Variants in LARGE1 observed in about 807,000 individuals in gnomAD.
LARGE1 encodes LARGE xylosyl- and glucuronyltransferase 1, also known as xylosyl- and glucuronyltransferase LARGE1.
LARGE1 carries 43 observed loss-of-function variants against 87.6 expected under a neutral mutation model. That is an observed-to-expected ratio of 0.49 (90% CI 0.38 to 0.63). LARGE1 has a LOEUF of 0.63. LARGE1 is among the 30% of genes least tolerant of loss of function. The pLI is 0.00. For synonymous variants in LARGE1, 434 were observed against 394.6 expected, an observed-to-expected ratio of 1.10 and a Z score of -1.18; for missense variants, 802 against 1,000.2, an observed-to-expected ratio of 0.80 and a Z score of 2.67.
At chr22:33,166,650 C>T (rs1922289015) in exon 12 of LARGE1, 3 of 433,274 alleles carry the variant, frequency 6.9e-6, no homozygotes, top group Non-Finnish European at 1.4e-5. Context: ...AGGATGTTCA[C>T]CTGGCACGTA....
chr22:33,419,014 C>T (rs1300705287), intron 7 of LARGE1, among the ~76,000 whole-genome samples: 2 of 152,064 alleles, frequency 1.3e-5, no homozygotes, highest in African/African-American at 4.8e-5. Flanking sequence ...TAAAGACATT[C>T]CCGAGACTGG....
At chr22:33,327,045 A>C (rs1569059291) in intron 10 of LARGE1, among the ~76,000 whole-genome samples, 1 of 152,154 alleles carries the variant, frequency 6.6e-6, no homozygotes, top group Non-Finnish European at 1.5e-5. Flanking sequence ...GCGTGACTGA[A>C]GAGTTGGCGA....
the LARGE1 span, among the ~76,000 whole-genome samples, chr22:33,077,115 T>C: frequency 6.6e-6 from 1 of 152,200 alleles, no homozygotes; most frequent in Non-Finnish European, 1.5e-5. Flanking sequence ...ACAGTGTAAG[T>C]GCTATGTATT....
At chr22:33,775,559 A>C (rs1323995168) in intron 1 of LARGE1, among the ~76,000 whole-genome samples, 1 of 152,010 alleles carries the variant, frequency 6.6e-6, no homozygotes, top group Non-Finnish European at 1.5e-5. Context: ...GATTATTAAG[A>C]CTGGGGGGTT....
At chr22:33,484,115 G>C (rs926068884) in intron 6 of LARGE1, among the ~76,000 whole-genome samples, 1 of 152,162 alleles carries the variant, frequency 6.6e-6, no homozygotes, top group Non-Finnish European at 1.5e-5. Context: ...TACACAAAGA[G>C]CCTGGGACAA....
At chr22:33,191,165 A>G (rs1923756303) in intron 11 of LARGE1, among the ~76,000 whole-genome samples, 1 of 152,184 alleles carries the variant, frequency 6.6e-6, no homozygotes, top group East Asian at 1.9e-4. Context: ...TTTCAATATT[A>G]TTTTACACAA....
rs1229755273 is a variant in LARGE1, at chr22:33,381,962, T to C, written c.1088A>G (p.His363Arg). Residue 363 changes from histidine to arginine, a missense_variant, in exon 9 of 15, where the codon CAC (histidine) becomes CGC (arginine). His to Arg is a conservative substitution (Grantham distance 29, BLOSUM62 0). This residue lies in a region of LARGE1 where 625 missense variants were observed against 841.9 expected (regional missense o/e 0.74). Coordinates refer to ENST00000397394, the MANE Select transcript of LARGE1 (RefSeq NM_133642.5). ...PCFWNVQLSD[H>R]TRSEQCYRDV... The stretch of plus-strand genomic sequence containing the variant: ...TCTGTAGCACTGCTCGGAGCGGGTG[T>C]GGTCTGACAGCTGCACATTCCAGAA... The C allele has an allele frequency of 6.2e-7, 1 of 1,613,912 alleles. No homozygotes were observed. Among genetic ancestry groups the C allele is most frequent in the Non-Finnish European group, 8.5e-7 (1 of 1,179,984 alleles).
At chr22:33,608,089 C>A (rs1309068874) in intron 4 of LARGE1, among the ~76,000 whole-genome samples, 1 of 152,188 alleles carries the variant, frequency 6.6e-6, no homozygotes, top group Admixed American at 6.5e-5. Flanking sequence ...GACAGACGGT[C>A]CATTTGGCCC....
chr22:33,466,845 C>T (rs2148063352), intron 6 of LARGE1, among the ~76,000 whole-genome samples: 1 of 152,156 alleles, frequency 6.6e-6, no homozygotes, highest in Admixed American at 6.5e-5. Context: ...TCAAGACCAG[C>T]CTGACAAACA....
chr22:33,199,404 T>C (rs1187774723), intron 11 of LARGE1, among the ~76,000 whole-genome samples: 2 of 152,218 alleles, frequency 1.3e-5, no homozygotes, highest in Non-Finnish European at 2.9e-5. Context: ...CCATTTGCTT[T>C]TGAGAACTTA....
intron 11 of LARGE1, among the ~76,000 whole-genome samples, chr22:33,213,664 G>A (rs1773360086): frequency 2.0e-5 from 3 of 152,130 alleles, no homozygotes; most frequent in African/African-American, 4.8e-5. Flanking sequence ...CATTTTGGGG[G>A]CAATAAAAAT....
At chr22:33,630,813 T>C (rs2080085591) in intron 3 of LARGE1, among the ~76,000 whole-genome samples, 1 of 151,594 alleles carries the variant, frequency 6.6e-6, no homozygotes, top group Non-Finnish European at 1.5e-5. Context: ...CTTAGCTTAC[T>C]GGAACTTTTT....
chr22:33,183,087 C>G (rs1343031057), intron 11 of LARGE1, among the ~76,000 whole-genome samples: 2 of 151,754 alleles, frequency 1.3e-5, no homozygotes, highest in African/African-American at 2.4e-5. Context: ...ATCATGTATA[C>G]ATATATAAAT....
At chr22:33,339,746 G>A (rs559633062) in intron 9 of LARGE1, among the ~76,000 whole-genome samples, 9 of 152,278 alleles carry the variant, frequency 5.9e-5, no homozygotes, top group African/African-American at 1.7e-4. Context: ...TTGGCTCACT[G>A]CAGCCTTGAC....
chr22:33,552,924 G>T (rs1012239092), intron 6 of LARGE1, among the ~76,000 whole-genome samples: 1 of 152,062 alleles, frequency 6.6e-6, no homozygotes, highest in Non-Finnish European at 1.5e-5. Flanking sequence ...GCTGAATTGC[G>T]AAGTGCCTGG....
intron 11 of LARGE1, among the ~76,000 whole-genome samples, chr22:33,231,944 C>A (rs1376716119): frequency 6.6e-6 from 1 of 152,162 alleles, no homozygotes; most frequent in Non-Finnish European, 1.5e-5. Context: ...TGCCAGACAC[C>A]TTAAAGGTAT....
chr22:33,445,552 G>T (rs9609798), intron 6 of LARGE1, among the ~76,000 whole-genome samples: 41,228 of 151,898 alleles, frequency 0.27, 5,809 homozygotes, highest in Non-Finnish European at 0.3. Flanking sequence ...AAAAATACTT[G>T]GTCTTTGTCC....
intron 1 of LARGE1, among the ~76,000 whole-genome samples, chr22:33,783,921 A>G (rs2085514281): frequency 6.6e-6 from 1 of 152,180 alleles, no homozygotes. Context: ...GGCTCTAAAA[A>G]GGACCTATGT....
intron 11 of LARGE1, among the ~76,000 whole-genome samples, chr22:33,236,893 C>T (rs1926279612): frequency 6.6e-6 from 1 of 152,106 alleles, no homozygotes; most frequent in Non-Finnish European, 1.5e-5. Flanking sequence ...TCTGAACATG[C>T]CTGTATAGGT....
Sources: gnomAD v4.1 joint callset for allele counts (sites outside exome capture counted in the v4.1 genomes callset) on GRCh38, gnomAD v4.1.1 for gene constraint, gnomAD v4.1.1 regional missense constraint, MANE v1.5 for transcripts, NCBI Gene and HGNC (gene_info 2026-07-23, HGNC 2026-07-21) for gene names.